RAB3C: variants seen among roughly 807,000 people sequenced by gnomAD.
The protein encoded by RAB3C is ras-related protein Rab-3C.
RAB3C carries 17 observed loss-of-function variants against 26.4 expected under a neutral mutation model. The observed-to-expected ratio is 0.64, with a 90% CI of 0.44 to 0.97. The LOEUF (loss-of-function observed/expected upper bound fraction) is 0.97, where lower values mean the gene tolerates loss of function less well. Ranked by LOEUF, RAB3C falls within the 50% of genes least tolerant of loss-of-function variation. The pLI, the probability that RAB3C is intolerant of heterozygous loss-of-function variation, is 0.00. For missense variants in RAB3C, 242 were observed against 281.9 expected, an observed-to-expected ratio of 0.86 and a Z score of 1.01; for synonymous variants, 91 against 95.9, an observed-to-expected ratio of 0.95 and a Z score of 0.30.
intron 2 of RAB3C, among the ~76,000 whole-genome samples, chr5:58,700,401 G>A (rs1748817054): frequency 6.6e-6 from 1 of 152,182 alleles, no homozygotes; most frequent in Non-Finnish European, 1.5e-5. Context: ...TTTTGTGTGT[G>A]TGCATGATAT....
chr5:58,583,399 T>G, intron 1 of RAB3C, 167 bp downstream of exon 1: 2 of 955,978 alleles, frequency 2.1e-6, no homozygotes, highest in Non-Finnish European at 2.5e-6. Flanking sequence ...TTACGCTCTG[T>G]GTGGCTGTGA....
chr5:58,596,632 T>A (rs1241269128), intron 1 of RAB3C, among the ~76,000 whole-genome samples: 1 of 96,078 alleles, frequency 1.0e-5, no homozygotes, highest in Non-Finnish European at 1.9e-5. Flanking sequence ...TAATACATAA[T>A]ATATAAATAT....
At chr5:58,799,038 G>A (rs1055545719) in intron 3 of RAB3C, among the ~76,000 whole-genome samples, 1 of 152,166 alleles carries the variant, frequency 6.6e-6, no homozygotes, top group African/African-American at 2.4e-5. Flanking sequence ...AGAAACATTA[G>A]GTATGAAGAC....
At chr5:58,601,758 A>G (rs1043897278) in intron 1 of RAB3C, among the ~76,000 whole-genome samples, 2 of 151,872 alleles carry the variant, frequency 1.3e-5, no homozygotes, top group Non-Finnish European at 2.9e-5. Flanking sequence ...AATCTTGCTA[A>G]TGGTCTATCA....
chr5:58,584,554 A>G (rs189926254), intron 1 of RAB3C, among the ~76,000 whole-genome samples: 1 of 152,164 alleles, frequency 6.6e-6, no homozygotes, highest in Non-Finnish European at 1.5e-5. Flanking sequence ...TTGGTTTATG[A>G]TAATTTTCTA....
chr5:58,785,893 C>T (rs1742368519), intron 3 of RAB3C, among the ~76,000 whole-genome samples: 1 of 152,152 alleles, frequency 6.6e-6, no homozygotes, highest in Non-Finnish European at 1.5e-5. Flanking sequence ...TGCTGCAATA[C>T]GAGGAAGCCA....
intron 3 of RAB3C, among the ~76,000 whole-genome samples, chr5:58,771,408 G>T (rs190228615): frequency 7.2e-4 from 110 of 152,032 alleles, no homozygotes; most frequent in African/African-American, 2.5e-3. Flanking sequence ...TTAACATAAA[G>T]AATCCATCAA....
intron 3 of RAB3C, among the ~76,000 whole-genome samples, chr5:58,781,866 C>T (rs916471029): frequency 6.6e-6 from 1 of 152,158 alleles, no homozygotes; most frequent in Non-Finnish European, 1.5e-5. Flanking sequence ...CAGTCCCTGA[C>T]TTTCATCTCT....
In RAB3C at chr5:58,698,284, C is replaced by T. The variant is rs149391922; in HGVS notation, c.253-27718C>T. On this transcript the variant is annotated intron_variant, in intron 2 of 4. Coordinates refer to ENST00000282878, the MANE Select transcript of RAB3C (RefSeq NM_138453.4). ...CTCTTCTGGCTTGTAGGGTTTCTGC[C>T]GAGAGATCAGCTGTTAGTATGATGG... 5.4e-3 allele frequency among the ~76,000 whole-genome samples: 822 copies of T among 152,214 alleles called. 6 individuals carry two copies. Among genetic ancestry groups the T allele is most frequent in the African/African-American group, 0.018 (761 of 41,520 alleles).
At chr5:58,624,444 G>A (rs745965125) in intron 2 of RAB3C, among the ~76,000 whole-genome samples, 22 of 152,198 alleles carry the variant, frequency 1.4e-4, no homozygotes, top group Non-Finnish European at 2.8e-4. Context: ...GATTGATACT[G>A]TTGGGGCTTG....
At chr5:58,809,761 A>C (rs1208862685) in intron 3 of RAB3C, among the ~76,000 whole-genome samples, 1 of 152,150 alleles carries the variant, frequency 6.6e-6, no homozygotes, top group Non-Finnish European at 1.5e-5. Context: ...CACCAGAGAG[A>C]GATCCCTCAC....
chr5:58,741,547 A>C (rs1411231366), intron 3 of RAB3C: 2 of 152,208 alleles, frequency 1.3e-5, no homozygotes, highest in African/African-American at 4.8e-5. Context: ...TTGAAAGATT[A>C]CCTCTCAAGA....
chr5:58,807,484 A>G (rs1322479730), intron 3 of RAB3C, among the ~76,000 whole-genome samples: 1 of 152,214 alleles, frequency 6.6e-6, no homozygotes, highest in Non-Finnish European at 1.5e-5. Flanking sequence ...TGGCTTAAGC[A>G]ACAGACATTT....
In RAB3C at chr5:58,718,905, A is replaced by T. The variant is rs568626256; in HGVS notation, c.253-7097A>T. Among the ~76,000 whole-genome samples the T allele has an allele frequency of 6.6e-5, 10 of 152,216 alleles. No homozygotes were observed. In the East Asian group the frequency reaches 1.5e-3, roughly 24 times the overall value. ...TTCATTCCGAATGAAACAAGAAAGC[A>T]TAAAATATTTAAGCTTCCTATTTTT... On this transcript the variant is annotated intron_variant, in intron 2 of 4. Coordinates refer to ENST00000282878, the MANE Select transcript of RAB3C (RefSeq NM_138453.4).
chr5:58,667,515 C>T (rs1042795007), intron 2 of RAB3C, among the ~76,000 whole-genome samples: 2 of 152,102 alleles, frequency 1.3e-5, no homozygotes, highest in Non-Finnish European at 2.9e-5. Context: ...GCTGCCTACC[C>T]CAGACTCCTG....
At chr5:58,793,199 A>G (rs1395112840) in intron 3 of RAB3C, among the ~76,000 whole-genome samples, 1 of 152,164 alleles carries the variant, frequency 6.6e-6, no homozygotes, top group Non-Finnish European at 1.5e-5. Context: ...GCCTGTGGAT[A>G]CAATACCAAA....
At chr5:58,658,757 T>C (rs1388993368) in intron 2 of RAB3C, among the ~76,000 whole-genome samples, 1 of 152,142 alleles carries the variant, frequency 6.6e-6, no homozygotes, top group African/African-American at 2.4e-5. Context: ...TAATTGGCTA[T>C]TGTCTGGGCA....
intron 3 of RAB3C, among the ~76,000 whole-genome samples, chr5:58,779,593 G>T (rs1742229328): frequency 6.6e-6 from 1 of 151,866 alleles, no homozygotes; most frequent in Non-Finnish European, 1.5e-5. Context: ...TTATCATGTT[G>T]CCTAGGCTGG....
chr5:58,741,298 C>T (rs1365596891), intron 3 of RAB3C, among the ~76,000 whole-genome samples: 3 of 152,192 alleles, frequency 2.0e-5, no homozygotes, highest in Non-Finnish European at 4.4e-5. Flanking sequence ...ATTACATAGG[C>T]ATGACTGATC....
Sources: gnomAD v4.1 joint callset for allele counts (sites outside exome capture counted in the v4.1 genomes callset) on GRCh38, gnomAD v4.1.1 for gene constraint, MANE v1.5 for transcripts, NCBI Gene and HGNC (gene_info 2026-07-23, HGNC 2026-07-21) for gene names.